CCDC6: variants seen among roughly 807,000 people sequenced by gnomAD.
CCDC6 encodes the protein coiled-coil domain containing 6.
Under a neutral mutation model 56.6 loss-of-function variants are expected in CCDC6, and 20 were observed. The observed-to-expected ratio is 0.35, with a 90% CI of 0.25 to 0.51. The LOEUF (loss-of-function observed/expected upper bound fraction) is 0.51. Among genes scored for constraint, CCDC6 ranks in the 20% least tolerant of loss-of-function variants. The probability of loss-of-function intolerance (pLI) is 0.95; values close to 1 mark genes in which losing one functional copy is unlikely to be tolerated. For synonymous variants in CCDC6, 241 were observed against 234.4 expected (o/e 1.03, Z -0.26); for missense variants, 367 against 601.1 (o/e 0.61, Z 4.07).
chr10:59,808,266 A>G (rs1345082919), intron 5 of CCDC6, among the ~76,000 whole-genome samples: 1 of 152,148 alleles, frequency 6.6e-6, no homozygotes, highest in African/African-American at 2.4e-5. Flanking sequence ...GGGAACTGAC[A>G]TCTTTATGGG....
At chr10:59,841,716 G>A (rs1239126034) in intron 2 of CCDC6, among the ~76,000 whole-genome samples, 2 of 151,138 alleles carry the variant, frequency 1.3e-5, no homozygotes, top group Non-Finnish European at 2.9e-5. Flanking sequence ...CGCCCAGGCT[G>A]GAGTGCGTTG....
intron 2 of CCDC6, among the ~76,000 whole-genome samples, chr10:59,837,175 T>C (rs2070890001): frequency 6.6e-6 from 1 of 152,244 alleles, no homozygotes; most frequent in Non-Finnish European, 1.5e-5. Flanking sequence ...TCAAGAACTC[T>C]GCACCAAATG....
intron 1 of CCDC6, among the ~76,000 whole-genome samples, chr10:59,879,813 C>A (rs2132673967): frequency 6.6e-6 from 1 of 152,158 alleles, no homozygotes; most frequent in East Asian, 1.9e-4. Context: ...TTCTAACACC[C>A]CTTTCTGCTC....
At chr10:59,831,230 T>G (rs1358053808) in intron 3 of CCDC6, among the ~76,000 whole-genome samples, 1 of 152,184 alleles carries the variant, frequency 6.6e-6, no homozygotes, top group South Asian at 2.1e-4. Flanking sequence ...TTACTCGAGA[T>G]GTATAAAATA....
At chr10:59,879,156 A>G (rs2071310066) in intron 1 of CCDC6, among the ~76,000 whole-genome samples, 1 of 152,182 alleles carries the variant, frequency 6.6e-6, no homozygotes, top group African/African-American at 2.4e-5. Flanking sequence ...CTTGACAAGG[A>G]TTACCTAAAA....
intron 2 of CCDC6, among the ~76,000 whole-genome samples, chr10:59,837,271 G>A (rs1206853452): frequency 6.6e-6 from 1 of 152,202 alleles, no homozygotes; most frequent in African/African-American, 2.4e-5. Flanking sequence ...GGTACCACAG[G>A]TGCATGTGCA....
chr10:59,867,549 T>C (rs992992532), intron 1 of CCDC6, among the ~76,000 whole-genome samples: 2 of 152,168 alleles, frequency 1.3e-5, no homozygotes, highest in Non-Finnish European at 2.9e-5. Flanking sequence ...TTTCAACCAA[T>C]TGCCAATCAT....
At chr10:59,876,713 T>G (rs961001505) in intron 1 of CCDC6, among the ~76,000 whole-genome samples, 1 of 151,816 alleles carries the variant, frequency 6.6e-6, no homozygotes, top group African/African-American at 2.4e-5. Flanking sequence ...ATTAGCAGCA[T>G]GAGCACAGCA....
chr10:59,864,717 C>G (rs1012284541), intron 1 of CCDC6, among the ~76,000 whole-genome samples: 1 of 152,010 alleles, frequency 6.6e-6, no homozygotes, highest in Non-Finnish European at 1.5e-5. Context: ...CTCACATGGC[C>G]GCATTCAGGG....
intron 1 of CCDC6, among the ~76,000 whole-genome samples, chr10:59,903,194 C>A (rs1249687427): frequency 6.6e-6 from 1 of 152,076 alleles, no homozygotes; most frequent in African/African-American, 2.4e-5. Flanking sequence ...ACTTCCAGGG[C>A]AGAAAAACTC....
chr10:59,863,230 A>G (rs2132663314), intron 1 of CCDC6, among the ~76,000 whole-genome samples: 1 of 152,326 alleles, frequency 6.6e-6, no homozygotes, highest in East Asian at 1.9e-4. Context: ...ATGCAATGGT[A>G]TCAGTACCAT....
intron 5 of CCDC6, among the ~76,000 whole-genome samples, 174 bp downstream of exon 5, chr10:59,812,461 C>T (rs940197849): frequency 6.4e-5 from 8 of 124,316 alleles, no homozygotes; most frequent in Admixed American, 6.3e-4. Context: ...TACTATAACA[C>T]TCAAAAAAAA....
chr10:59,834,924 T>G (rs1402309748), intron 2 of CCDC6, among the ~76,000 whole-genome samples: 3 of 152,224 alleles, frequency 2.0e-5, no homozygotes, highest in African/African-American at 7.2e-5. Context: ...CATCTGCGCC[T>G]AAGGCTTTCA....
intron 2 of CCDC6, among the ~76,000 whole-genome samples, chr10:59,839,541 C>G (rs959422125): frequency 6.6e-6 from 1 of 152,170 alleles, no homozygotes; most frequent in African/African-American, 2.4e-5. Flanking sequence ...GCCCCTGTTT[C>G]TCTTCCTGTT....
chr10:59,887,310 A>G (rs999959080), intron 1 of CCDC6, among the ~76,000 whole-genome samples: 1 of 152,154 alleles, frequency 6.6e-6, no homozygotes, highest in East Asian at 1.9e-4. Context: ...TTGAGTCAAC[A>G]TAAGGAAATG....
intron 2 of CCDC6, among the ~76,000 whole-genome samples, chr10:59,852,067 T>C (rs1350307028): frequency 6.6e-6 from 1 of 152,188 alleles, no homozygotes; most frequent in African/African-American, 2.4e-5. Flanking sequence ...CAGTAACATA[T>C]TACTCACCCA....
intron 7 of CCDC6, among the ~76,000 whole-genome samples, chr10:59,798,601 TG>T (rs1224201060): frequency 6.6e-6 from 1 of 152,354 alleles, no homozygotes; most frequent in African/African-American, 2.4e-5. Flanking sequence ...TTTACTCATC[TG>T]GGAAAAGAAA....
At chr10:59,876,575 C>T (rs2071283073) in intron 1 of CCDC6, among the ~76,000 whole-genome samples, 1 of 133,970 alleles carries the variant, frequency 7.5e-6, no homozygotes, top group South Asian at 2.4e-4. Context: ...ATATAAACTA[C>T]ACCTGTTAAG....
At chr10:59,857,122 G>A (rs1486839803) in intron 1 of CCDC6, among the ~76,000 whole-genome samples, 1 of 152,110 alleles carries the variant, frequency 6.6e-6, no homozygotes, top group Non-Finnish European at 1.5e-5. Context: ...AGACCACAAA[G>A]CGTCTCTTCA....
Sources: gnomAD v4.1 joint callset for allele counts (sites outside exome capture counted in the v4.1 genomes callset) on GRCh38, gnomAD v4.1.1 for gene constraint, MANE v1.5 for transcripts, NCBI Gene and HGNC (gene_info 2026-07-23, HGNC 2026-07-21) for gene names.